The following CALCA variants were observed in gnomAD, a reference collection of about 807,000 sequenced individuals.
The protein encoded by CALCA is calcitonin related polypeptide alpha, also known as calcitonin.
CALCA carries 4 observed loss-of-function variants against 6.9 expected under a neutral mutation model. The ratio of observed to expected loss-of-function variants is 0.58; its 90% confidence interval spans 0.29 to 1.33. CALCA has a LOEUF of 1.33. CALCA is among the 40% of genes most tolerant of loss of function. The probability of loss-of-function intolerance (pLI) is 0.09; values close to 1 mark genes in which losing one functional copy is unlikely to be tolerated. For missense variants in CALCA, 174 were observed against 178.3 expected (o/e 0.98, Z 0.14); for synonymous variants, 78 against 70.0 (o/e 1.11, Z -0.57).
rs181798978 is a variant in CALCA at position 14,970,957 on chromosome 11, A to G, written c.86+150T>C. 1,415 of 673,840 alleles carry G rather than the reference A, an allele frequency of 2.1e-3. 5 individuals are homozygous for G. Among genetic ancestry groups the G allele is most frequent in the Non-Finnish European group, 2.7e-3 (1,017 of 373,080 alleles). The allele number at this position is 673,840 out of a possible 1,614,324, so 41.7% of individuals were successfully genotyped here. On this transcript the variant is annotated intron_variant, in intron 2 of 3. Coordinates refer to ENST00000331587, the MANE Select transcript of CALCA (RefSeq NM_001741.3). ...ATTTATCACTACTTATAAATTGTGT[A>G]CCACACATTTTTATATCAAAAAATT...
At chr11:14,968,117 A>G (rs921447336), downstream of CALCA, 19 of 549,590 alleles carry the variant, frequency 3.5e-5, no homozygotes, top group African/African-American at 3.6e-4. Flanking sequence ...TGGAGCAGTA[A>G]CAGCCAATCT....
downstream of CALCA, chr11:14,967,858 A>T (rs781900863): frequency 3.1e-6 from 5 of 1,614,072 alleles, no homozygotes; most frequent in Non-Finnish European, 4.2e-6. Context: ...AATGATTCTG[A>T]TTTGCAGGAT....
intron 3 of CALCA, 138 bp downstream of exon 3, chr11:14,969,797 G>C: frequency 7.4e-7 from 1 of 1,345,852 alleles, no homozygotes; most frequent in Non-Finnish European, 1.1e-6. Context: ...GCTGAGAACA[G>C]CTGGGCCCCA....
downstream of CALCA, chr11:14,967,805 G>T (rs782816793): frequency 6.2e-7 from 1 of 1,614,188 alleles, no homozygotes; most frequent in African/African-American, 1.3e-5. Flanking sequence ...CCTGCCAGCC[G>T]ATGAGTCACA....
rs1399144221 is a variant in CALCA at position 14,968,802 on chromosome 11, G to A, written c.423C>T (p.Asn141=). ...RPHVSMPQNA[N] is the part of the protein sequence containing the mutation. ...ATTAGGAAGGAAAGGGAGGAGTTTA[G>A]TTGGCATTCTGGGGCATGCTAACAT... The change falls in exon 4 of 4, where the codon AAC becomes AAT. Residue 141 remains asparagine (N), a synonymous_variant. Coordinates refer to ENST00000331587, the MANE Select transcript of CALCA (RefSeq NM_001741.3). 3.7e-6 allele frequency: 6 copies of A among 1,614,066 alleles called. No individual in the cohort carries two copies. The highest frequency in any genetic ancestry group is 1.7e-5 in the Admixed American group (1 of 60,004).
chr11:14,968,698 CACCAAT>C lies in CALCA; in HGVS notation c.*95_*100del. ...AGACATCCTCTGCCACAAGGAAAGCCACCAATACCAGCCCAAAGAGCCACCAGAGAG... is the reference window on the plus strand; with the variant it reads ...AGACATCCTCTGCCACAAGGAAAGCCACCAGCCCAAAGAGCCACCAGAGAG... On this transcript the variant is annotated 3_prime_UTR_variant, in exon 4 of 4. Coordinates refer to ENST00000331587, the MANE Select transcript of CALCA (RefSeq NM_001741.3). 6.2e-7 allele frequency: 1 copy of C among 1,611,830 alleles called. No homozygotes were observed. Among genetic ancestry groups the C allele is most frequent in the South Asian group, 1.1e-5 (1 of 90,286 alleles).
intron 3 of CALCA, among the ~76,000 whole-genome samples, chr11:14,969,519 G>A (rs553030370): frequency 6.6e-6 from 1 of 151,916 alleles, no homozygotes; most frequent in South Asian, 2.1e-4. Flanking sequence ...GCTCCTTGCA[G>A]GTGTGAAAGA....
rs1448564922 is a variant in CALCA, at chr11:14,968,986, G to T, written c.239C>A (p.Pro80His). 2 of 1,613,248 alleles carry T rather than the reference G, an allele frequency of 1.2e-6. No homozygotes were observed. Among genetic ancestry groups the T allele is most frequent in the Non-Finnish European group, 1.7e-6 (2 of 1,179,982 alleles). ...QEREGSSLDS[P>H]RSKRCGNLST... ...CAGATTACCGCACCGCTTAGATCTG[G>T]GGCTGTCCAGGCTGCAGGGAAAACA... Residue 80 changes from proline (P) to histidine (H), a missense_variant, in exon 4 of 4, where the codon CCC becomes CAC. By Grantham distance (77) the Pro-to-His change is moderately conservative. Transcript: ENST00000331587.
Position 14,970,149 on chromosome 11 carries a change from T to C in CALCA, c.87-74A>G, listed in dbSNP as rs1455375543. ...CCTCCCCAGGATAAGCAGCCAGGCT[T>C]CCTGGTCTTTGCTTCTTCCCCTGAG... On this transcript the variant is annotated intron_variant, in intron 2 of 3. Transcript: ENST00000331587. 4.4e-6 allele frequency: 7 copies of C among 1,583,864 alleles called. No homozygotes were observed. In the African/African-American group the frequency reaches 9.4e-5, roughly 21 times the overall value.
intron 2 of CALCA, among the ~76,000 whole-genome samples, chr11:14,970,627 C>A (rs991578083): frequency 6.6e-6 from 1 of 152,226 alleles, no homozygotes; most frequent in Admixed American, 6.5e-5. Flanking sequence ...AGGCCGGGCG[C>A]GGTGGCTCAC....
At chr11:14,971,237 G>A (rs782331581) in intron 1 of CALCA, 36 bp from the exon 2 acceptor site, 2 of 1,463,586 alleles carry the variant, frequency 1.4e-6, no homozygotes, top group South Asian at 2.3e-5. Context: ...ACCTGCGCCA[G>A]TTCGAAGTTC....
Position 14,970,209 on chromosome 11 carries a change from C to T in CALCA, c.87-134G>A, listed in dbSNP as rs879989039. 52 of 1,299,890 alleles carry T rather than the reference C, an allele frequency of 4.0e-5. No homozygotes were observed. The Admixed American group carries it at 8.0e-4, about 20-fold the overall frequency. The allele number at this position is 1,299,890 out of a possible 1,614,324, so 80.5% of individuals were successfully genotyped here. A position where few individuals can be genotyped will look rare whatever the true frequency, so the allele number is the denominator to read the frequency against. On this transcript the variant is annotated intron_variant, in intron 2 of 3. Coordinates refer to ENST00000331587, the MANE Select transcript of CALCA (RefSeq NM_001741.3). ...AGCGGGAGTCCTAGGGGACAGGGCA[C>T]AAGGCCAGTGTCCTCCTCAGGACCC...
intron 3 of CALCA, 45 bp downstream of exon 3, chr11:14,969,890 C>G (rs1555026053): frequency 6.2e-7 from 1 of 1,612,056 alleles, no homozygotes; most frequent in East Asian, 2.2e-5. Context: ...CCTGTGTATG[C>G]TGCGGGGAGA....
intron 2 of CALCA, among the ~76,000 whole-genome samples, chr11:14,970,772 C>T (rs900920315): frequency 2.6e-5 from 4 of 151,868 alleles, no homozygotes; most frequent in South Asian, 4.2e-4. Flanking sequence ...TGGTGGTGGG[C>T]GCCTGTAATC....
At chr11:14,968,263 G>C, downstream of CALCA, 1 of 325,346 alleles carries the variant, frequency 3.1e-6, no homozygotes, top group Non-Finnish European at 5.6e-6. Context: ...CCTTTCTTAG[G>C]AAAATAAAAA....
chr11:14,971,249 AGGAGCCCACAGACCTT>A (rs35815751), intron 1 of CALCA, 48 bp from the exon 2 acceptor site: 53,295 of 1,270,342 alleles, frequency 0.042, 1,374 homozygotes, highest in Non-Finnish European at 0.054. Flanking sequence ...TCGAAGTTCT[AGGAGCCCACAGACCTT>A]GGCTCCTATC....
Position 14,969,951 on chromosome 11 carries a change from C to G in CALCA, c.211G>C (p.Glu71Gln). The G allele has an allele frequency of 6.2e-7, 1 of 1,613,308 alleles. No homozygotes were observed. The highest frequency in any genetic ancestry group is 8.5e-7 in the Non-Finnish European group (1 of 1,180,038). The change falls in exon 3 of 4, where the codon GAG becomes CAG. Residue 71 changes from glutamate (E) to glutamine (Q), a missense_variant. Glu to Gln is a conservative substitution (Grantham distance 29). Transcript: ENST00000331587. ...GAGCCTCACCTGGAGCCCTCTCTCT[C>G]TTGCTCCTGCTCCAGCTCACTGGCC... ...MKASELEQEQEREGSSLDSPR... is the reference protein window; with the variant it reads ...MKASELEQEQQREGSSLDSPR...
chr11:14,968,411 G>GC, downstream of CALCA: 1 of 1,176,252 alleles, frequency 8.5e-7, no homozygotes, highest in African/African-American at 1.6e-5. Flanking sequence ...TGTCCAGCTA[G>GC]CCTAGGGTTA....
chr11:14,967,056 A>G (rs1849473418), downstream of CALCA: 1 of 153,088 alleles, frequency 6.5e-6, no homozygotes, highest in Admixed American at 6.5e-5. Context: ...CCTTTCCTAC[A>G]AATTGCTTTC....
Sources: allele counts gnomAD v4.1 joint callset (sites outside exome capture counted in the v4.1 genomes callset), GRCh38; gene constraint gnomAD v4.1.1; transcripts MANE v1.5; gene names NCBI Gene and HGNC (gene_info 2026-07-23, HGNC 2026-07-21).